The following GRID2 variants were observed in gnomAD, a reference collection of about 807,000 sequenced individuals.
GRID2 encodes the protein glutamate ionotropic receptor delta type subunit 2, also known as glutamate receptor ionotropic, delta-2.
A neutral mutation model predicts 114.8 loss-of-function variants in GRID2; 33 were observed. That is an observed-to-expected ratio of 0.29 (90% CI 0.22 to 0.38). GRID2 has a LOEUF of 0.38. Ranked by LOEUF, GRID2 falls within the 10% of genes least tolerant of loss-of-function variation. The pLI, the probability that GRID2 is intolerant of heterozygous loss-of-function variation, is 1.00. For synonymous variants in GRID2, 505 were observed against 449.9 expected (o/e 1.12, Z -1.55); for missense variants, 1,184 against 1,257.7 (o/e 0.94, Z 0.89).
chr4:92,616,373 A>T (rs1237200643), intron 2 of GRID2, among the ~76,000 whole-genome samples: 1 of 151,284 alleles, frequency 6.6e-6, no homozygotes, highest in Non-Finnish European at 1.5e-5. Flanking sequence ...ATTGTAACTG[A>T]TGAGTTACAT....
chr4:92,868,220 C>A (rs1371556100), intron 2 of GRID2, among the ~76,000 whole-genome samples: 1 of 152,010 alleles, frequency 6.6e-6, no homozygotes, highest in Non-Finnish European at 1.5e-5. Context: ...AGTTCTACTA[C>A]TTCTTTGAAT....
chr4:93,456,512 T>A (rs17020626), intron 11 of GRID2, among the ~76,000 whole-genome samples: 3 of 152,206 alleles, frequency 2.0e-5, no homozygotes, highest in African/African-American at 4.8e-5. Flanking sequence ...ACTTACAATT[T>A]CACTATTTTC....
intron 9 of GRID2, among the ~76,000 whole-genome samples, chr4:93,418,461 GT>G (rs1767939216): frequency 6.6e-6 from 1 of 151,998 alleles, no homozygotes; most frequent in South Asian, 2.1e-4. Flanking sequence ...CTCCTTTGTA[GT>G]TTCCAGTTTC....
At chr4:92,626,175 T>C (rs1467332711) in intron 2 of GRID2, among the ~76,000 whole-genome samples, 2 of 152,070 alleles carry the variant, frequency 1.3e-5, no homozygotes, top group African/African-American at 4.8e-5. Flanking sequence ...GTATTAATCC[T>C]GAAGATGTCA....
At chr4:92,820,648 C>T (rs972502068) in intron 2 of GRID2, among the ~76,000 whole-genome samples, 29 of 152,084 alleles carry the variant, frequency 1.9e-4, no homozygotes, top group Non-Finnish European at 8.8e-5. Flanking sequence ...TAGCGGGTGG[C>T]ATAATGTCTT....
chr4:93,202,052 C>T (rs1742164644), intron 4 of GRID2, among the ~76,000 whole-genome samples: 1 of 151,944 alleles, frequency 6.6e-6, no homozygotes, highest in Admixed American at 6.6e-5. Context: ...ATGTCATGCT[C>T]TTTTTAGATT....
chr4:92,463,579 A>C (rs1225031296), intron 1 of GRID2, among the ~76,000 whole-genome samples: 3 of 152,024 alleles, frequency 2.0e-5, no homozygotes, highest in Admixed American at 2.0e-4. Flanking sequence ...CTGTATATTC[A>C]ATCCTGAGGT....
intron 13 of GRID2, among the ~76,000 whole-genome samples, chr4:93,586,308 T>C (rs964006434): frequency 1.2e-4 from 19 of 152,164 alleles, no homozygotes; most frequent in African/African-American, 4.6e-4. Context: ...GATACCTGTC[T>C]CCTAAACTTT....
At chr4:92,535,399 A>G (rs1405763830) in intron 1 of GRID2, among the ~76,000 whole-genome samples, 1 of 152,156 alleles carries the variant, frequency 6.6e-6, no homozygotes, top group Non-Finnish European at 1.5e-5. Context: ...CTTAAAAACA[A>G]TGGAAACAAC....
chr4:92,918,202 G>A (rs1371652911), intron 2 of GRID2, among the ~76,000 whole-genome samples: 2 of 152,138 alleles, frequency 1.3e-5, no homozygotes, highest in African/African-American at 2.4e-5. Flanking sequence ...CATTGATTTT[G>A]TATCCTGAGA....
At chr4:92,476,258 C>G (rs917196276) in intron 1 of GRID2, among the ~76,000 whole-genome samples, 1 of 152,098 alleles carries the variant, frequency 6.6e-6, no homozygotes, top group African/African-American at 2.4e-5. Context: ...ATCTCCTGAC[C>G]TTGTGATCCG....
rs760605020 is a variant in GRID2, at chr4:92,688,037, C to CTTTTT, written c.244+97776_244+97780dup. 5.4e-3 allele frequency among the ~76,000 whole-genome samples: 239 copies of CTTTTT among 44,668 alleles called. 22 individuals carry two copies. The highest frequency in any genetic ancestry group is 6.5e-3 in the Non-Finnish European group (161 of 24,658). 29.3% of individuals were successfully genotyped at this position (44,668 alleles called of 152,430 possible). A position where few individuals can be genotyped will look rare whatever the true frequency, so the allele number is the denominator to read the frequency against. ...GCCACATTGGTTGACCCTTCTTCTT[C>CTTTTT]TTTTTTTTTTTTTTTTTTTTTTTTT... On this transcript the variant is annotated intron_variant, in intron 2 of 15. Coordinates refer to ENST00000282020, the MANE Select transcript of GRID2 (RefSeq NM_001510.4).
At chr4:93,405,204 A>G (rs1369951472) in intron 9 of GRID2, among the ~76,000 whole-genome samples, 1 of 152,098 alleles carries the variant, frequency 6.6e-6, no homozygotes, top group Non-Finnish European at 1.5e-5. Context: ...GAATGGGGAA[A>G]ATATGATTTT....
intron 1 of GRID2, among the ~76,000 whole-genome samples, chr4:92,558,333 A>G (rs954699441): frequency 6.6e-6 from 1 of 152,150 alleles, no homozygotes; most frequent in Admixed American, 6.6e-5. Context: ...CATTCTCCTA[A>G]TCAAAAAACT....
At chr4:92,558,731 C>G (rs1248341010) in intron 1 of GRID2, among the ~76,000 whole-genome samples, 2 of 152,164 alleles carry the variant, frequency 1.3e-5, no homozygotes, top group Non-Finnish European at 2.9e-5. Flanking sequence ...ACCACTAGAT[C>G]ATGCTTCGCA....
chr4:92,550,581 C>G (rs1240241586), intron 1 of GRID2, among the ~76,000 whole-genome samples: 1 of 152,082 alleles, frequency 6.6e-6, no homozygotes, highest in African/African-American at 2.4e-5. Context: ...AATATTCAGA[C>G]TGGTTTGGCA....
At chr4:92,562,045 T>C (rs781403216) in intron 1 of GRID2, among the ~76,000 whole-genome samples, 6 of 152,198 alleles carry the variant, frequency 3.9e-5, no homozygotes, top group South Asian at 2.1e-4. Flanking sequence ...TAGCCAGATA[T>C]GTAGTCTTTA....
chr4:93,299,161 A>G (rs72666977), intron 8 of GRID2, among the ~76,000 whole-genome samples: 5 of 152,302 alleles, frequency 3.3e-5, no homozygotes, highest in Non-Finnish European at 7.3e-5. Flanking sequence ...GTACCTGACA[A>G]CTTTCAATCA....
chr4:92,918,308 T>G (rs1199488248), intron 2 of GRID2, among the ~76,000 whole-genome samples: 1 of 152,168 alleles, frequency 6.6e-6, no homozygotes, highest in Non-Finnish European at 1.5e-5. Flanking sequence ...CAGGGACAAT[T>G]TGACTTCCTC....
Sources: allele counts gnomAD v4.1 joint callset (sites outside exome capture counted in the v4.1 genomes callset), GRCh38; gene constraint gnomAD v4.1.1; transcripts MANE v1.5; gene names NCBI Gene and HGNC (gene_info 2026-07-23, HGNC 2026-07-21).